Variants in DEPDC5 observed in about 807,000 individuals in gnomAD.
DEPDC5 encodes the protein GATOR1 complex protein DEPDC5.
A neutral mutation model predicts 217.3 loss-of-function variants in DEPDC5; 73 were observed. That is an observed-to-expected ratio of 0.34 (90% CI 0.28 to 0.41). The LOEUF (loss-of-function observed/expected upper bound fraction) is 0.41. Ranked by LOEUF, DEPDC5 falls within the 10% of genes least tolerant of loss-of-function variation. DEPDC5 has a pLI of 1.00. For missense variants in DEPDC5, 1,675 were observed against 2,070.1 expected (o/e 0.81, Z 3.70); for synonymous variants, 733 against 756.7 (o/e 0.97, Z 0.51).
At chr22:31,784,036 A>C in intron 9 of DEPDC5, 51 bp downstream of exon 9, 3 of 1,477,178 alleles carry the variant, frequency 2.0e-6, no homozygotes, top group Non-Finnish European at 2.8e-6. Context: ...ATTTTCTGGA[A>C]CTGCAAATGC....
intron 24 of DEPDC5, among the ~76,000 whole-genome samples, chr22:31,830,214 G>A (rs1459763568): frequency 6.6e-6 from 1 of 152,250 alleles, no homozygotes; most frequent in Non-Finnish European, 1.5e-5. Flanking sequence ...TCCACACTGA[G>A]TAACCTTTTT....
chr22:31,784,973 A>AT, intron 10 of DEPDC5, 98 bp downstream of exon 10: 1 of 1,108,514 alleles, frequency 9.0e-7, no homozygotes, highest in African/African-American at 1.6e-5. Context: ...AAATTGAGCT[A>AT]TTTTAGGTAA....
chr22:31,877,010 G>C (rs1404171709), intron 37 of DEPDC5, among the ~76,000 whole-genome samples: 1 of 151,974 alleles, frequency 6.6e-6, no homozygotes, highest in Non-Finnish European at 1.5e-5. Context: ...GGGTGTGGTG[G>C]TGCATGCATG....
chr22:31,797,508 G>A (rs888482572), intron 12 of DEPDC5, 92 bp from the exon 13 acceptor site: 1 of 1,012,468 alleles, frequency 9.9e-7, no homozygotes, highest in South Asian at 1.3e-5. Flanking sequence ...TCGACACATG[G>A]GTATTACAAT....
chr22:31,787,022 C>T (rs1011037331), intron 10 of DEPDC5, among the ~76,000 whole-genome samples: 2 of 151,466 alleles, frequency 1.3e-5, no homozygotes, highest in Non-Finnish European at 2.9e-5. Flanking sequence ...TCAGGTGATC[C>T]GCCTGCCTCG....
intron 21 of DEPDC5, among the ~76,000 whole-genome samples, chr22:31,817,807 T>A (rs1479303769): frequency 3.9e-5 from 6 of 152,192 alleles, no homozygotes; most frequent in South Asian, 2.1e-4. Flanking sequence ...TTTTTTTTTT[T>A]ACTAGGTTTT....
rs571510915 is a variant in DEPDC5, at chr22:31,845,594, C to A, written c.3021+357C>A. 4.0e-4 allele frequency among the ~76,000 whole-genome samples: 61 copies of A among 152,302 alleles called. 1 individual carries two copies. In the Middle Eastern group the frequency reaches 0.01, roughly 25 times the overall value. On this transcript the variant is annotated intron_variant, in intron 30 of 42. Transcript: ENST00000651528. The stretch of plus-strand genomic sequence containing the variant: ...GGTGAACAGCAGCAGTCCTTCCTCA[C>A]TCTTCTTGCTCCAGAGTTCCCAGCA...
chr22:31,842,498 C>G (rs185307831), intron 27 of DEPDC5, among the ~76,000 whole-genome samples: 6 of 150,828 alleles, frequency 4.0e-5, no homozygotes, highest in Non-Finnish European at 8.8e-5. Context: ...TTGCTTGAAC[C>G]CAGGAGGTGG....
At chr22:31,822,282 C>T (rs1326232563) in intron 23 of DEPDC5, among the ~76,000 whole-genome samples, 1 of 152,196 alleles carries the variant, frequency 6.6e-6, no homozygotes, top group Non-Finnish European at 1.5e-5. Flanking sequence ...CTCTTTCAGT[C>T]ACCTTGACAC....
intron 35 of DEPDC5, 24 bp downstream of exon 35, chr22:31,873,356 G>T: frequency 6.2e-7 from 1 of 1,606,282 alleles, no homozygotes. Flanking sequence ...CACAGTGTAG[G>T]GTTGGAAGGT....
chr22:31,756,056 T>C (rs1381238439), intron 2 of DEPDC5, among the ~76,000 whole-genome samples: 1 of 150,438 alleles, frequency 6.6e-6, no homozygotes, highest in Non-Finnish European at 1.5e-5. Context: ...TTTTTTTTTT[T>C]TGTATTTTAG....
chr22:31,830,097 G>T (rs952141934), intron 24 of DEPDC5, among the ~76,000 whole-genome samples: 1 of 152,230 alleles, frequency 6.6e-6, no homozygotes, highest in East Asian at 1.9e-4. Flanking sequence ...CTCCAGGCCA[G>T]GTCAGTTTTT....
In DEPDC5 at chr22:31,754,121, C is replaced by T. The variant is rs1940061488; in HGVS notation, c.-104C>T. On this transcript the variant is annotated 5_prime_UTR_variant, in exon 1 of 43. Transcript: ENST00000651528. ...GCAGGGAACCTGGAGAGGGTCCAGC[C>T]CTCAGTGCCCCGGCCAGAGGCGGGA... 6.5e-6 allele frequency: 1 copy of T among 152,988 alleles called. No individual in the cohort carries two copies. 9.5% of individuals were successfully genotyped at this position (152,988 alleles called of 1,614,324 possible). A position where few individuals can be genotyped will look rare whatever the true frequency, so the allele number is the denominator to read the frequency against.
chr22:31,833,517 C>A (rs1207031422), intron 24 of DEPDC5, among the ~76,000 whole-genome samples: 1 of 152,108 alleles, frequency 6.6e-6, no homozygotes, highest in East Asian at 1.9e-4. Flanking sequence ...GTCTCTCTCA[C>A]TCTGTCGTCG....
chr22:31,865,102 A>G (rs1159359202), intron 33 of DEPDC5, among the ~76,000 whole-genome samples: 1 of 152,170 alleles, frequency 6.6e-6, no homozygotes, highest in Non-Finnish European at 1.5e-5. Flanking sequence ...CTGGGATTAC[A>G]GGCGTAAGCC....
chr22:31,787,361 G>C (rs893568610), intron 10 of DEPDC5, among the ~76,000 whole-genome samples: 2 of 152,186 alleles, frequency 1.3e-5, no homozygotes, highest in Non-Finnish European at 2.9e-5. Context: ...TAGGATTACA[G>C]ATAGAACCAC....
At chr22:31,806,669 C>G (rs1422900847) in intron 18 of DEPDC5, among the ~76,000 whole-genome samples, 1 of 152,084 alleles carries the variant, frequency 6.6e-6, no homozygotes, top group African/African-American at 2.4e-5. Context: ...TGCATTGCAG[C>G]AAAGGGGAAA....
intron 37 of DEPDC5, among the ~76,000 whole-genome samples, chr22:31,878,124 T>C (rs1241258003): frequency 6.6e-6 from 1 of 151,552 alleles, no homozygotes; most frequent in African/African-American, 2.4e-5. Flanking sequence ...GATGTGGAGG[T>C]TGCAGTGAGC....
intron 12 of DEPDC5, among the ~76,000 whole-genome samples, chr22:31,793,084 A>G (rs537112881): frequency 2.0e-5 from 3 of 152,150 alleles, no homozygotes; most frequent in African/African-American, 4.8e-5. Flanking sequence ...AAATAAATAA[A>G]TAAATAAATA....
Sources: gnomAD v4.1 joint callset for allele counts (sites outside exome capture counted in the v4.1 genomes callset) on GRCh38, gnomAD v4.1.1 for gene constraint, MANE v1.5 for transcripts, NCBI Gene and HGNC (gene_info 2026-07-23, HGNC 2026-07-21) for gene names.